GPR141: variants seen among roughly 807,000 people sequenced by gnomAD.
GPR141 encodes probable G protein-coupled receptor 141.
Under a neutral mutation model 6.8 loss-of-function variants are expected in GPR141, and 6 were observed. The observed-to-expected ratio is 0.88, with a 90% CI of 0.48 to 1.74. GPR141 has a LOEUF of 1.74. Among genes scored for constraint, GPR141 ranks in the 40% most tolerant of loss-of-function variants. The pLI, the probability that GPR141 is intolerant of heterozygous loss-of-function variation, is 0.01. For synonymous variants in GPR141, 140 were observed against 142.3 expected (o/e 0.98, Z 0.11); for missense variants, 372 against 372.9 (o/e 1.00, Z 0.02).
intron 2 of GPR141, among the ~76,000 whole-genome samples, chr7:37,708,875 A>G (rs975563718): frequency 6.6e-6 from 1 of 152,194 alleles, no homozygotes; most frequent in Non-Finnish European, 1.5e-5. Context: ...AACATTTTAC[A>G]TTCAAAGCGA....
At chr7:37,704,948 A>G (rs1369482540) in intron 2 of GPR141, among the ~76,000 whole-genome samples, 2 of 152,178 alleles carry the variant, frequency 1.3e-5, no homozygotes, top group Non-Finnish European at 2.9e-5. Flanking sequence ...CGAGGTCAAC[A>G]CTAACTGACT....
Position 37,728,064 on chromosome 7 carries a change from T to C in GPR141, c.-14-12316T>C, listed in dbSNP as rs191116607. ...TTCCCTGGAGTGCTTTATTTCCTCC[T>C]CTCTACATCTAGAACTTCAATGCAC... is the stretch of plus-strand genomic sequence containing the variant. On this transcript the variant is annotated intron_variant, in intron 2 of 2. Coordinates refer to ENST00000334425, the MANE Select transcript of GPR141 (RefSeq NM_001381946.1). Among the ~76,000 whole-genome samples, 8 of 152,352 alleles carry C rather than the reference T, an allele frequency of 5.3e-5. No individual in the cohort carries two copies. In the East Asian group the frequency reaches 1.5e-3, roughly 29 times the overall value.
chr7:37,741,007 T>C lies in GPR141; in HGVS notation c.614T>C (p.Met205Thr). ...TTGGTCTTCCAGGTCTTCATCATTA[T>C]GTTGATGGTGCAGAAGCTACGCCAC... ...ILLVFQVFII[M>T]LMVQKLRHSL... Residue 205 changes from methionine (M) to threonine (T), a missense_variant, in exon 3 of 3, where the codon ATG becomes ACG. Coordinates refer to ENST00000334425, the MANE Select transcript of GPR141 (RefSeq NM_001381946.1). The C allele has an allele frequency of 6.2e-7, 1 of 1,614,100 alleles. No homozygotes were observed. Among genetic ancestry groups the C allele is most frequent in the Non-Finnish European group, 8.5e-7 (1 of 1,179,964 alleles).
chr7:37,735,321 A>G (rs1322454794), intron 2 of GPR141, among the ~76,000 whole-genome samples: 2 of 152,230 alleles, frequency 1.3e-5, no homozygotes, highest in African/African-American at 2.4e-5. Flanking sequence ...TCACCAATGC[A>G]TGAAGACATT....
At chr7:37,706,268 G>C (rs2131772833) in intron 2 of GPR141, among the ~76,000 whole-genome samples, 1 of 152,272 alleles carries the variant, frequency 6.6e-6, no homozygotes, top group Non-Finnish European at 1.5e-5. Context: ...GGGACAAGAT[G>C]GTGCAAGTCT....
intron 2 of GPR141, among the ~76,000 whole-genome samples, chr7:37,736,996 G>C (rs1002296933): frequency 2.0e-5 from 3 of 151,988 alleles, no homozygotes; most frequent in Non-Finnish European, 2.9e-5. Flanking sequence ...TGAGAATAAG[G>C]GAGTGGGTAA....
intron 2 of GPR141, among the ~76,000 whole-genome samples, chr7:37,732,761 G>A (rs755713786): frequency 5.4e-4 from 82 of 152,196 alleles, no homozygotes; most frequent in Admixed American, 1.1e-3. Context: ...AGCAGAGCAG[G>A]ACTCTTTATA....
chr7:37,691,275 C>T (rs1206426631), intron 2 of GPR141, among the ~76,000 whole-genome samples: 7 of 137,956 alleles, frequency 5.1e-5, no homozygotes, highest in Non-Finnish European at 9.3e-5. Context: ...AACCTAGTTA[C>T]CCAGTCTATA....
chr7:37,739,236 C>T (rs1237736049), intron 2 of GPR141, among the ~76,000 whole-genome samples: 3 of 152,162 alleles, frequency 2.0e-5, no homozygotes, highest in Non-Finnish European at 2.9e-5. Context: ...AGAATAATTG[C>T]ATATGTGTTG....
At chr7:37,695,960 G>T (rs142256875) in intron 2 of GPR141, among the ~76,000 whole-genome samples, 1 of 152,054 alleles carries the variant, frequency 6.6e-6, no homozygotes, top group African/African-American at 2.4e-5. Context: ...CATAATATTT[G>T]TTCTTTTCCT....
At chr7:37,735,327 A>C (rs778313635) in intron 2 of GPR141, among the ~76,000 whole-genome samples, 1 of 152,230 alleles carries the variant, frequency 6.6e-6, no homozygotes, top group Non-Finnish European at 1.5e-5. Context: ...ATGCATGAAG[A>C]CATTTTGATG....
chr7:37,719,705 A>C (rs989402885), intron 2 of GPR141, among the ~76,000 whole-genome samples: 1 of 152,198 alleles, frequency 6.6e-6, no homozygotes, highest in Admixed American at 6.5e-5. Context: ...TGAGCAGAAA[A>C]CCAGAAAAAG....
chr7:37,729,116 C>T (rs1322665457), intron 2 of GPR141, among the ~76,000 whole-genome samples: 1 of 152,028 alleles, frequency 6.6e-6, no homozygotes, highest in Admixed American at 6.5e-5. Context: ...AGGAGGTGTC[C>T]CTTGAAATAG....
At chr7:37,718,694 G>A (rs1208152062) in intron 2 of GPR141, among the ~76,000 whole-genome samples, 4 of 152,312 alleles carry the variant, frequency 2.6e-5, no homozygotes, top group Middle Eastern at 6.8e-3. Context: ...CCACTGGTTG[G>A]CAAAGGAAAC....
At chr7:37,736,534 C>A (rs562060407) in intron 2 of GPR141, among the ~76,000 whole-genome samples, 1 of 146,436 alleles carries the variant, frequency 6.8e-6, no homozygotes, top group South Asian at 2.1e-4. Flanking sequence ...GCAAAAAAAT[C>A]TTTCTTAAAA....
In GPR141 at chr7:37,741,398, G is replaced by C; in HGVS notation, c.*87G>C. 9.9e-7 allele frequency: 1 copy of C among 1,012,596 alleles called. No homozygotes were observed. Among genetic ancestry groups the C allele is most frequent in the South Asian group, 1.7e-5 (1 of 59,854 alleles). 62.7% of individuals were successfully genotyped at this position (1,012,596 alleles called of 1,614,324 possible). A position where few individuals can be genotyped will look rare whatever the true frequency, so the allele number is the denominator to read the frequency against. On this transcript the variant is annotated 3_prime_UTR_variant, in exon 3 of 3. Coordinates refer to ENST00000334425, the MANE Select transcript of GPR141 (RefSeq NM_001381946.1). ...AGGTAAGAATGGTATTTCATTACTTGATCAAAACCATGCCTTGATGTACCC... is the reference window on the plus strand; with the variant it reads ...AGGTAAGAATGGTATTTCATTACTTCATCAAAACCATGCCTTGATGTACCC...
At chr7:37,719,330 G>C (rs1250612387) in intron 2 of GPR141, among the ~76,000 whole-genome samples, 1 of 152,164 alleles carries the variant, frequency 6.6e-6, no homozygotes, top group Non-Finnish European at 1.5e-5. Flanking sequence ...TAGTCATCTT[G>C]TCTGACCATC....
chr7:37,705,949 A>C (rs537966047), intron 2 of GPR141, among the ~76,000 whole-genome samples: 2 of 152,264 alleles, frequency 1.3e-5, no homozygotes, highest in East Asian at 3.9e-4. Flanking sequence ...GAACGGGCTG[A>C]GAGAGGAAAG....
chr7:37,740,599 T>C lies in GPR141; in HGVS notation c.206T>C (p.Val69Ala). ...GTCCACAGCGTTTTTCTGCTGACAG[T>C]GCCATTTCGCTTGACCTACCTCATC... ...VVVHSVFLLTVPFRLTYLIKK... is the reference protein window; with the variant it reads ...VVVHSVFLLTAPFRLTYLIKK... The change falls in exon 3 of 3, where the codon GTG becomes GCG. Residue 69 changes from valine to alanine, a missense_variant. Coordinates refer to ENST00000334425, the MANE Select transcript of GPR141 (RefSeq NM_001381946.1). The C allele has an allele frequency of 1.2e-6, 2 of 1,614,092 alleles. No homozygotes were observed. Among genetic ancestry groups the C allele is most frequent in the Non-Finnish European group, 1.7e-6 (2 of 1,179,992 alleles).
Sources: gnomAD v4.1 joint callset for allele counts (sites outside exome capture counted in the v4.1 genomes callset) on GRCh38, gnomAD v4.1.1 for gene constraint, MANE v1.5 for transcripts, NCBI Gene and HGNC (gene_info 2026-07-23, HGNC 2026-07-21) for gene names.